The following ATP8A1 variants were observed in gnomAD, a reference collection of about 807,000 sequenced individuals.
The protein encoded by ATP8A1 is phospholipid-transporting ATPase IA.
A neutral mutation model predicts 177.7 loss-of-function variants in ATP8A1; 90 were observed. That is an observed-to-expected ratio of 0.51 (90% CI 0.43 to 0.60). The LOEUF (loss-of-function observed/expected upper bound fraction) is 0.60, where lower values mean the gene tolerates loss of function less well. Among genes scored for constraint, ATP8A1 ranks in the 20% least tolerant of loss-of-function variants. ATP8A1 has a pLI of 0.00. For synonymous variants in ATP8A1, 493 were observed against 485.9 expected (o/e 1.01, Z -0.19); for missense variants, 1,072 against 1,392.8 (o/e 0.77, Z 3.67).
intron 15 of ATP8A1, among the ~76,000 whole-genome samples, chr4:42,561,090 G>T (rs1730772273): frequency 6.6e-6 from 1 of 151,976 alleles, no homozygotes; most frequent in Non-Finnish European, 1.5e-5. Context: ...CCATTTTATT[G>T]GCCTAACGTA....
intron 5 of ATP8A1, among the ~76,000 whole-genome samples, chr4:42,603,678 A>C (rs1408989499): frequency 2.0e-5 from 3 of 152,156 alleles, no homozygotes; most frequent in Non-Finnish European, 4.4e-5. Context: ...TTAGCATCTC[A>C]AAATCTGCCA....
Position 42,507,116 on chromosome 4 carries a change from T to C in ATP8A1, c.1986A>G (p.Lys662=), listed in dbSNP as rs766296258. ...TGGTTTCAGGCACTTGATCTTGTAATTTATCCTCAATGGCTGTTGCTCCAA... is the reference window on the plus strand; with the variant it reads ...TGGTTTCAGGCACTTGATCTTGTAACTTATCCTCAATGGCTGTTGCTCCAA... The part of the protein sequence containing the change: ...QLLGATAIED[K]LQDQVPETIE... The change falls in exon 23 of 37, where the codon AAA becomes AAG. Residue 662 remains lysine, a synonymous_variant. Transcript: ENST00000381668. 6.2e-7 allele frequency: 1 copy of C among 1,614,028 alleles called. No homozygotes were observed. The highest frequency in any genetic ancestry group is 8.5e-7 in the Non-Finnish European group (1 of 1,179,930).
intron 17 of ATP8A1, among the ~76,000 whole-genome samples, chr4:42,552,301 T>C (rs1414986594): frequency 1.3e-5 from 2 of 152,248 alleles, no homozygotes; most frequent in Non-Finnish European, 2.9e-5. Flanking sequence ...ACTTATGTAA[T>C]ATGCCAAAAA....
chr4:42,411,836 T>C lies in ATP8A1; in HGVS notation c.*1080A>G, dbSNP rs1158630845. The C allele has an allele frequency of 2.6e-5, 4 of 152,130 alleles. No individual in the cohort carries two copies. Among genetic ancestry groups the C allele is most frequent in the Non-Finnish European group, 5.9e-5 (4 of 68,020 alleles). 9.4% of individuals were successfully genotyped at this position (152,130 alleles called of 1,614,324 possible). ...GTGAAATAATTTTCAGTCTTCAGTA[T>C]AGGGGGCAGTCACCATAACACTGGG... On this transcript the variant is annotated 3_prime_UTR_variant, in exon 37 of 37. Coordinates refer to ENST00000381668, the MANE Select transcript of ATP8A1 (RefSeq NM_006095.2).
At chr4:42,493,299 A>G (rs1052205138) in intron 24 of ATP8A1, among the ~76,000 whole-genome samples, 17 of 152,246 alleles carry the variant, frequency 1.1e-4, no homozygotes, top group Admixed American at 1.1e-3. Context: ...ACAGTATGGT[A>G]AAGATAAACT....
rs150627490 is a variant in ATP8A1 at position 42,535,697 on chromosome 4, T to C, written c.1722+8220A>G. Among the ~76,000 whole-genome samples the C allele has an allele frequency of 8.1e-3, 1,228 of 152,316 alleles. 16 individuals are homozygous for C. The highest frequency in any genetic ancestry group is 0.027 in the African/African-American group (1,143 of 41,572). ...TCAGCACATGGAACATTCTCCAAGA[T>C]AGACCACATGATAGACCACAAAACA... On this transcript the variant is annotated intron_variant, in intron 20 of 36. Coordinates refer to ENST00000381668, the MANE Select transcript of ATP8A1 (RefSeq NM_006095.2).
Position 42,571,087 on chromosome 4 carries a change from G to C in ATP8A1, c.1296-1882C>G, listed in dbSNP as rs551660391. Among the ~76,000 whole-genome samples the C allele has an allele frequency of 1.9e-3, 296 of 152,284 alleles. 1 individual carries two copies. Among genetic ancestry groups the C allele is most frequent in the African/African-American group, 6.4e-3 (265 of 41,552 alleles). On this transcript the variant is annotated intron_variant, in intron 14 of 36. Coordinates refer to ENST00000381668, the MANE Select transcript of ATP8A1 (RefSeq NM_006095.2). The stretch of plus-strand genomic sequence containing the variant: ...ATATACAGATAAATAAATGAATGGA[G>C]TTGACTAGAATTTATCACAAGTCAT...
chr4:42,486,072 C>T (rs1201038381), intron 24 of ATP8A1, among the ~76,000 whole-genome samples: 1 of 152,228 alleles, frequency 6.6e-6, no homozygotes, highest in East Asian at 1.9e-4. Context: ...AGAAAGGGTA[C>T]ACTCGCCAGC....
chr4:42,637,155 T>A (rs770762838), intron 1 of ATP8A1: 15 of 518,966 alleles, frequency 2.9e-5, no homozygotes, highest in African/African-American at 2.5e-4. Context: ...AACCGCTAGC[T>A]GGCTTTTCTG....
chr4:42,417,894 T>C (rs1379723523), intron 35 of ATP8A1, among the ~76,000 whole-genome samples: 1 of 152,150 alleles, frequency 6.6e-6, no homozygotes, highest in Non-Finnish European at 1.5e-5. Flanking sequence ...CTGAAAACAT[T>C]TCAGTGTTCT....
chr4:42,464,609 C>A, intron 27 of ATP8A1, 81 bp downstream of exon 27: 2 of 770,072 alleles, frequency 2.6e-6, no homozygotes, highest in Non-Finnish European at 2.1e-6. Flanking sequence ...TAATTAAAAC[C>A]ATGAGAAAAC....
chr4:42,434,790 A>T (rs1715725833), intron 33 of ATP8A1, among the ~76,000 whole-genome samples: 1 of 152,154 alleles, frequency 6.6e-6, no homozygotes, highest in Admixed American at 6.5e-5. Flanking sequence ...TGCTAGCTGG[A>T]AGGTTGGTAA....
At chr4:42,504,062 C>T (rs572190502) in intron 23 of ATP8A1, among the ~76,000 whole-genome samples, 20 of 152,340 alleles carry the variant, frequency 1.3e-4, no homozygotes, top group Admixed American at 9.1e-4. Context: ...CTGTTTGCTA[C>T]AGCCGACTGT....
intron 24 of ATP8A1, among the ~76,000 whole-genome samples, chr4:42,502,503 C>T (rs1723954031): frequency 6.6e-6 from 1 of 152,180 alleles, no homozygotes; most frequent in African/African-American, 2.4e-5. Flanking sequence ...CTACCATACG[C>T]TACGGAAGGT....
At chr4:42,528,568 C>G (rs1268587252) in intron 20 of ATP8A1, among the ~76,000 whole-genome samples, 1 of 151,966 alleles carries the variant, frequency 6.6e-6, no homozygotes, top group African/African-American at 2.4e-5. Flanking sequence ...ATTAACACAT[C>G]TCCTGGTATC....
intron 20 of ATP8A1, among the ~76,000 whole-genome samples, chr4:42,537,120 G>A (rs1347390598): frequency 2.3e-5 from 3 of 132,990 alleles, no homozygotes; most frequent in South Asian, 2.6e-4. Context: ...CAAAAAGAGC[G>A]AAACTCCGTC....
intron 5 of ATP8A1, among the ~76,000 whole-genome samples, chr4:42,608,625 T>C (rs1736065788): frequency 6.6e-6 from 1 of 152,190 alleles, no homozygotes; most frequent in Admixed American, 6.5e-5. Context: ...CCCAAAGTGC[T>C]GGGATTACAG....
At chr4:42,649,480 A>C (rs1287215715) in intron 1 of ATP8A1, among the ~76,000 whole-genome samples, 2 of 152,226 alleles carry the variant, frequency 1.3e-5, no homozygotes, top group African/African-American at 4.8e-5. Context: ...AAAGTTTATA[A>C]TCACAATGTG....
Position 42,600,536 on chromosome 4 carries a change from G to A in ATP8A1, c.410-18C>T, listed in dbSNP as rs751144452. On this transcript the variant is annotated intron_variant, in intron 5 of 36. Coordinates refer to ENST00000381668, the MANE Select transcript of ATP8A1 (RefSeq NM_006095.2). ...TCTCAAAACTGGAAAGAGAAAAGGTGACATTTTAAACAACATGTTTTACTA... is the reference window on the plus strand; with the variant it reads ...TCTCAAAACTGGAAAGAGAAAAGGTAACATTTTAAACAACATGTTTTACTA... 68 of 1,604,336 alleles carry A rather than the reference G, an allele frequency of 4.2e-5. No individual in the cohort carries two copies. The Admixed American group carries it at 9.9e-4, about 23-fold the overall frequency.
Sources: allele counts gnomAD v4.1 joint callset (sites outside exome capture counted in the v4.1 genomes callset), GRCh38; gene constraint gnomAD v4.1.1; transcripts MANE v1.5; gene names NCBI Gene and HGNC (gene_info 2026-07-23, HGNC 2026-07-21).